Variants in ASB15 observed in about 807,000 individuals in gnomAD.
ASB15 encodes the protein ankyrin repeat and SOCS box containing 15, also known as ankyrin repeat and SOCS box protein 15.
Under a neutral mutation model 58.0 loss-of-function variants are expected in ASB15, and 54 were observed. The ratio of observed to expected loss-of-function variants is 0.93; its 90% confidence interval spans 0.75 to 1.17. The LOEUF is 1.17. ASB15 is among the 50% of genes most tolerant of loss of function. The probability of loss-of-function intolerance (pLI) is 0.00; values close to 1 mark genes in which losing one functional copy is unlikely to be tolerated. For missense variants in ASB15, 680 were observed against 707.4 expected (o/e 0.96, Z 0.44); for synonymous variants, 249 against 262.4 (o/e 0.95, Z 0.50).
intron 11 of ASB15, among the ~76,000 whole-genome samples, chr7:123,632,656 C>T (rs1802183929): frequency 6.6e-6 from 1 of 151,882 alleles, no homozygotes; most frequent in Non-Finnish European, 1.5e-5. Context: ...ATCCCTGTAG[C>T]TTAGATAAAA....
chr7:123,580,736 G>A (rs114427805), intron 1 of ASB15, among the ~76,000 whole-genome samples: 2,220 of 151,968 alleles, frequency 0.015, 50 homozygotes, highest in African/African-American at 0.05. Context: ...AAGCAACCTT[G>A]TGCAGTATAC....
chr7:123,633,618 T>C (rs569239037), intron 11 of ASB15, among the ~76,000 whole-genome samples: 14 of 151,890 alleles, frequency 9.2e-5, no homozygotes, highest in Non-Finnish European at 2.1e-4. Flanking sequence ...ATGCTGAGTG[T>C]GTGTGTGTGT....
intron 1 of ASB15, among the ~76,000 whole-genome samples, chr7:123,587,043 C>T (rs1021743621): frequency 6.6e-6 from 1 of 151,508 alleles, no homozygotes; most frequent in Non-Finnish European, 1.5e-5. Context: ...ATTGATTTAG[C>T]CATTTAAGGT....
intron 1 of ASB15, among the ~76,000 whole-genome samples, chr7:123,576,362 T>C (rs1455618164): frequency 6.6e-6 from 1 of 152,116 alleles, no homozygotes; most frequent in East Asian, 1.9e-4. Context: ...TTTTAATTAA[T>C]GGTAAAATAT....
rs1033617583 is a variant in ASB15 at position 123,617,504 on chromosome 7, T to G, written c.293-75T>G. 20 of 1,303,810 alleles carry G rather than the reference T, an allele frequency of 1.5e-5. No individual in the cohort carries two copies. In the African/African-American group the frequency reaches 2.7e-4, roughly 17 times the overall value. 80.8% of individuals were successfully genotyped at this position (1,303,810 alleles called of 1,614,324 possible). A position where few individuals can be genotyped will look rare whatever the true frequency, so the allele number is the denominator to read the frequency against. ...TTGTTCAATCCGATGTATATAATAT[T>G]GGATTGCTCTGATTTGTGTAATATC... On this transcript the variant is annotated intron_variant, in intron 6 of 11. Transcript: ENST00000451215.
At position 123,639,216 on chromosome 7, in the gene ASB15, A is replaced by G. The variant is rs1359867254; in HGVS notation, c.*2235A>G. 2 of 152,108 alleles carry G rather than the reference A, an allele frequency of 1.3e-5. No individual in the cohort carries two copies. Among genetic ancestry groups the G allele is most frequent in the African/African-American group, 4.8e-5 (2 of 41,450 alleles). The allele number at this position is 152,108 out of a possible 1,614,324, so 9.4% of individuals were successfully genotyped here. A position where few individuals can be genotyped will look rare whatever the true frequency, so the allele number is the denominator to read the frequency against. ...CTTTAGTTACCTTTGAAAGATAAAT[A>G]AGTATGAAAAAAATCGTACAATTAG... On this transcript the variant is annotated 3_prime_UTR_variant, in exon 12 of 12. Transcript: ENST00000451215.
chr7:123,620,072 A>G (rs1168840559), intron 7 of ASB15: 1 of 152,120 alleles, frequency 6.6e-6, no homozygotes, highest in Non-Finnish European at 1.5e-5. Flanking sequence ...TGTGCTTCCA[A>G]AGTTGCTCCC....
At position 123,638,198 on chromosome 7, in the gene ASB15, C is replaced by A. The variant is rs1802518262; in HGVS notation, c.*1217C>A. The A allele has an allele frequency of 1.3e-5, 2 of 152,120 alleles. No homozygotes were observed. The highest frequency in any genetic ancestry group is 4.2e-4 in the South Asian group (2 of 4,816). 9.4% of individuals were successfully genotyped at this position (152,120 alleles called of 1,614,324 possible). On this transcript the variant is annotated 3_prime_UTR_variant, in exon 12 of 12. Transcript: ENST00000451215. Reference sequence around the variant, plus strand: ...TCTACATACAGCATCTCAGAAGAGTCTTTTACAAATATAATAGAGTTTCAC... The same window carrying A: ...TCTACATACAGCATCTCAGAAGAGTATTTTACAAATATAATAGAGTTTCAC...
chr7:123,595,081 C>A (rs1468064330), intron 1 of ASB15, among the ~76,000 whole-genome samples: 1 of 152,182 alleles, frequency 6.6e-6, no homozygotes, highest in Non-Finnish European at 1.5e-5. Context: ...TAGCAGCAAG[C>A]AAGGCTCCGT....
chr7:123,593,090 A>G (rs1799587177), intron 1 of ASB15, among the ~76,000 whole-genome samples: 3 of 151,284 alleles, frequency 2.0e-5, no homozygotes, highest in Non-Finnish European at 4.4e-5. Context: ...CCAGGATTGC[A>G]GCCCCTGCTT....
intron 3 of ASB15, among the ~76,000 whole-genome samples, chr7:123,613,304 C>G (rs1436408089): frequency 6.6e-6 from 1 of 151,912 alleles, no homozygotes; most frequent in Non-Finnish European, 1.5e-5. Context: ...TTGTTTTTCT[C>G]TCATTCAGAA....
At chr7:123,624,022 G>T (rs1054885189) in intron 7 of ASB15, among the ~76,000 whole-genome samples, 2 of 152,018 alleles carry the variant, frequency 1.3e-5, no homozygotes, top group Non-Finnish European at 2.9e-5. Flanking sequence ...ACATATATAA[G>T]AAAGAGAAGT....
chr7:123,625,063 C>G (rs1032888526), intron 8 of ASB15: 1 of 456,508 alleles, frequency 2.2e-6, no homozygotes. Flanking sequence ...AGAGACAGTT[C>G]AATCTGCACA....
chr7:123,593,585 A>C (rs1799608741), intron 1 of ASB15, among the ~76,000 whole-genome samples: 1 of 152,066 alleles, frequency 6.6e-6, no homozygotes, highest in African/African-American at 2.4e-5. Flanking sequence ...TTTTTCTTTA[A>C]GAATGTTGAA....
intron 1 of ASB15, among the ~76,000 whole-genome samples, chr7:123,595,895 A>G (rs775119600): frequency 5.3e-5 from 8 of 152,358 alleles, no homozygotes; most frequent in Non-Finnish European, 1.0e-4. Flanking sequence ...AAAACAGCTT[A>G]ACCAAACCTC....
chr7:123,634,574 G>A (rs1444899542), intron 11 of ASB15, among the ~76,000 whole-genome samples: 2 of 151,958 alleles, frequency 1.3e-5, no homozygotes, highest in East Asian at 3.9e-4. Context: ...AAAAAAACTG[G>A]TCAGCTCCAG....
chr7:123,632,553 A>G lies in ASB15; in HGVS notation c.1594+2434A>G, dbSNP rs374984295. Among the ~76,000 whole-genome samples, 23 of 152,320 alleles carry G rather than the reference A, an allele frequency of 1.5e-4. No homozygotes were observed. The East Asian group carries it at 3.1e-3, about 20-fold the overall frequency. On this transcript the variant is annotated intron_variant, in intron 11 of 11. Transcript: ENST00000451215. ...ATTTTGGTGCACCCATCACCTAAGC[A>G]GTGTACACTGTACCCAATGTGTACT...
At chr7:123,614,684 G>A (rs752707107) in intron 4 of ASB15, 75 bp downstream of exon 4, 100 of 951,024 alleles carry the variant, frequency 1.1e-4, no homozygotes, top group Non-Finnish European at 1.3e-4. Context: ...AATGAATACC[G>A]TTTCCTAATT....
chr7:123,601,376 T>C (rs1290487725), upstream of ASB15, among the ~76,000 whole-genome samples: 1 of 152,136 alleles, frequency 6.6e-6, no homozygotes, highest in Non-Finnish European at 1.5e-5. Context: ...GACTAGCAAT[T>C]ATTAAACAAA....
Sources: gnomAD v4.1 joint callset for allele counts (sites outside exome capture counted in the v4.1 genomes callset) on GRCh38, gnomAD v4.1.1 for gene constraint, MANE v1.5 for transcripts, NCBI Gene and HGNC (gene_info 2026-07-23, HGNC 2026-07-21) for gene names.